TBX5: variants seen among roughly 807,000 people sequenced by gnomAD.
The protein encoded by TBX5 is T-box transcription factor 5, also known as T-box transcription factor TBX5.
TBX5 carries 8 observed loss-of-function variants against 51.1 expected under a neutral mutation model. The observed-to-expected ratio is 0.16, with a 90% CI of 0.09 to 0.28. TBX5 has a LOEUF of 0.28. Among genes scored for constraint, TBX5 ranks in the 10% least tolerant of loss-of-function variants. TBX5 has a pLI of 1.00. For missense variants in TBX5, 589 were observed against 671.7 expected (o/e 0.88, Z 1.36); for synonymous variants, 302 against 266.4 (o/e 1.13, Z -1.30).
chr12:114,360,867 GT>G (rs1869202304), intron 8 of TBX5, among the ~76,000 whole-genome samples: 1 of 152,138 alleles, frequency 6.6e-6, no homozygotes, highest in Non-Finnish European at 1.5e-5. Flanking sequence ...AGTAGGAAGG[GT>G]TGGAATGGTA....
At chr12:114,373,789 A>T (rs1232461389) in intron 7 of TBX5, among the ~76,000 whole-genome samples, 1 of 152,236 alleles carries the variant, frequency 6.6e-6, no homozygotes, top group African/African-American at 2.4e-5. Flanking sequence ...TTATGGTAAT[A>T]ATTCATCAAA....
chr12:114,399,346 TTGTC>T (rs1294381602), intron 4 of TBX5, among the ~76,000 whole-genome samples, 163 bp downstream of exon 4: 3 of 152,022 alleles, frequency 2.0e-5, no homozygotes, highest in East Asian at 1.9e-4. Flanking sequence ...TGTAGTTTCT[TTGTC>T]TGAGAATGGT....
At chr12:114,392,855 C>T (rs992187609) in intron 6 of TBX5, among the ~76,000 whole-genome samples, 2 of 152,134 alleles carry the variant, frequency 1.3e-5, no homozygotes, top group Non-Finnish European at 2.9e-5. Flanking sequence ...ATTCGACCCT[C>T]GGTTTTGCTC....
At position 114,385,475 on chromosome 12, in the gene TBX5, C is replaced by G; in HGVS notation, c.755+1G>C. The G allele has an allele frequency of 6.2e-7, 1 of 1,614,036 alleles. No homozygotes were observed. The highest frequency in any genetic ancestry group is 8.5e-7 in the Non-Finnish European group (1 of 1,179,950). On this transcript the variant is annotated splice_donor_variant, in intron 7 of 8. Transcript: ENST00000405440. LOFTEE classifies it high-confidence loss of function. ...GAAAGTTGAGGAATCCACTTTCCTA[C>G]CTTTGCATTCTTGACATTCTGTGCA...
intron 7 of TBX5, among the ~76,000 whole-genome samples, chr12:114,368,963 G>A (rs1433415943): frequency 6.6e-6 from 1 of 151,774 alleles, no homozygotes; most frequent in Admixed American, 6.6e-5. Flanking sequence ...AATGGAATTA[G>A]CTTTACAGCT....
chr12:114,402,640 C>A (rs567445301), intron 2 of TBX5, among the ~76,000 whole-genome samples: 2 of 152,128 alleles, frequency 1.3e-5, no homozygotes, highest in African/African-American at 2.4e-5. Flanking sequence ...TTATAGGACA[C>A]GCCTGATGCC....
intron 5 of TBX5, among the ~76,000 whole-genome samples, chr12:114,395,495 G>A (rs960503964): frequency 6.6e-6 from 1 of 152,144 alleles, no homozygotes; most frequent in Admixed American, 6.6e-5. Flanking sequence ...GCAAAGCAGA[G>A]TTCGTGAAAA....
At chr12:114,387,004 G>T (rs1243299016) in intron 6 of TBX5, among the ~76,000 whole-genome samples, 2 of 151,800 alleles carry the variant, frequency 1.3e-5, no homozygotes, top group Non-Finnish European at 2.9e-5. Context: ...TACTCCAGAG[G>T]CTAAGGCAGG....
chr12:114,374,839 T>C (rs1452164988), intron 7 of TBX5, among the ~76,000 whole-genome samples: 1 of 152,186 alleles, frequency 6.6e-6, no homozygotes, highest in East Asian at 1.9e-4. Context: ...AATGTACTCA[T>C]GTCTGCAATT....
At chr12:114,377,742 T>C (rs940180328) in intron 7 of TBX5, among the ~76,000 whole-genome samples, 1 of 151,958 alleles carries the variant, frequency 6.6e-6, no homozygotes, top group African/African-American at 2.4e-5. Flanking sequence ...ATTCATATAT[T>C]GTGAGTCTTT....
intron 7 of TBX5, among the ~76,000 whole-genome samples, chr12:114,375,215 T>G (rs1870124189): frequency 6.6e-6 from 1 of 152,210 alleles, no homozygotes; most frequent in South Asian, 2.1e-4. Context: ...TAGTGCTCAC[T>G]CATTCTCTAG....
intron 7 of TBX5, among the ~76,000 whole-genome samples, chr12:114,369,732 A>G (rs1869750257): frequency 6.6e-6 from 1 of 152,220 alleles, no homozygotes; most frequent in Admixed American, 6.5e-5. Flanking sequence ...AAGCAAGGAC[A>G]CAAGAGAATT....
At chr12:114,367,786 T>C (rs1201757478) in intron 7 of TBX5, among the ~76,000 whole-genome samples, 1 of 152,226 alleles carries the variant, frequency 6.6e-6, no homozygotes, top group East Asian at 1.9e-4. Flanking sequence ...GGATAGGGAA[T>C]CTTGGGCATG....
At chr12:114,376,899 T>A (rs1175859560) in intron 7 of TBX5, among the ~76,000 whole-genome samples, 1 of 151,482 alleles carries the variant, frequency 6.6e-6, no homozygotes, top group Admixed American at 6.6e-5. Flanking sequence ...TGGGGATGGG[T>A]TAGGTGGGGG....
rs545364029 is a variant in TBX5 at position 114,405,920 on chromosome 12, T to A, written c.-331A>T. ...GCCTCCAAGAGCACCGGCAACCATA[T>A]AATCTCAGTGCCCCGCTCCTCCTTT... On this transcript the variant is annotated 5_prime_UTR_variant, in exon 1 of 9. Coordinates refer to ENST00000405440, the MANE Select transcript of TBX5 (RefSeq NM_181486.4). 9 of 985,488 alleles carry A rather than the reference T, an allele frequency of 9.1e-6. No individual in the cohort carries two copies. The African/African-American group carries it at 1.6e-4, about 17-fold the overall frequency. The allele number at this position is 985,488 out of a possible 1,614,324, so 61.0% of individuals were successfully genotyped here. A position where few individuals can be genotyped will look rare whatever the true frequency, so the allele number is the denominator to read the frequency against.
At chr12:114,404,031 A>T in intron 1 of TBX5, 95 bp from the exon 2 acceptor site, 2 of 1,387,270 alleles carry the variant, frequency 1.4e-6, no homozygotes, top group Non-Finnish European at 2.0e-6. Context: ...AGGAGGGAGC[A>T]GTTTGGCCCC....
At chr12:114,399,290 T>C (rs781405227) in intron 4 of TBX5, among the ~76,000 whole-genome samples, 26 of 152,192 alleles carry the variant, frequency 1.7e-4, no homozygotes, top group Non-Finnish European at 2.5e-4. Context: ...GCACCTCACT[T>C]CCTCTGAGCC....
At chr12:114,364,880 C>T (rs1036956502) in intron 8 of TBX5, among the ~76,000 whole-genome samples, 9 of 152,244 alleles carry the variant, frequency 5.9e-5, no homozygotes, top group East Asian at 3.9e-4. Flanking sequence ...GATTCAAACC[C>T]GCATCTCTCT....
chr12:114,375,810 A>C (rs563736064), intron 7 of TBX5, among the ~76,000 whole-genome samples: 40 of 152,272 alleles, frequency 2.6e-4, no homozygotes, highest in Non-Finnish European at 4.4e-4. Context: ...TTGGGAGGCC[A>C]AGGCAGGAGG....
Sources: gnomAD v4.1 joint callset for allele counts (sites outside exome capture counted in the v4.1 genomes callset) on GRCh38, gnomAD v4.1.1 for gene constraint, MANE v1.5 for transcripts, NCBI Gene and HGNC (gene_info 2026-07-23, HGNC 2026-07-21) for gene names.